LRP4: variants seen among roughly 807,000 people sequenced by gnomAD.
The protein encoded by LRP4 is low-density lipoprotein receptor-related protein 4.
LRP4 carries 95 observed loss-of-function variants against 220.3 expected under a neutral mutation model. That is an observed-to-expected ratio of 0.43 (90% CI 0.37 to 0.51). The LOEUF (loss-of-function observed/expected upper bound fraction) is 0.51. Among genes scored for constraint, LRP4 ranks in the 20% least tolerant of loss-of-function variants. The pLI is 0.00. For missense variants in LRP4, 1,925 were observed against 2,567.0 expected, an observed-to-expected ratio of 0.75 and a Z score of 5.40; for synonymous variants, 903 against 954.6, an observed-to-expected ratio of 0.95 and a Z score of 1.00.
chr11:46,895,559 C>A (rs540927817), intron 10 of LRP4, among the ~76,000 whole-genome samples: 4 of 151,928 alleles, frequency 2.6e-5, no homozygotes. Context: ...CCAGCCTGGG[C>A]GACAGAGCGA....
chr11:46,865,138 G>A lies in LRP4; in HGVS notation c.5136C>T (p.Asp1712=), dbSNP rs1454966763. ...ARLGLCARSN[D]AVPAAPGEGL... is the part of the protein sequence containing the mutation. ...GCTTACCTGGAGCAGCAGGAACAGC[G>A]TCATTGGAACGTGCACAGAGGCCCA... Residue 1712 remains aspartate (D), a synonymous_variant, in exon 35 of 38, where the codon GAC becomes GAT. Transcript: ENST00000378623. The A allele has an allele frequency of 9.0e-6, 14 of 1,563,026 alleles. No individual in the cohort carries two copies. In the Admixed American group the frequency reaches 9.5e-5, roughly 11 times the overall value.
chr11:46,893,309 G>A (rs1941460531), intron 12 of LRP4, among the ~76,000 whole-genome samples, 180 bp from the exon 13 acceptor site: 1 of 152,186 alleles, frequency 6.6e-6, no homozygotes, highest in Non-Finnish European at 1.5e-5. Flanking sequence ...TAATTTCCAT[G>A]AGGATGAGGA....
Position 46,868,099 on chromosome 11 carries a change from G to A in LRP4, c.4967C>T (p.Pro1656Leu), listed in dbSNP as rs1565777683. The change falls in exon 34 of 38, where the codon CCA (proline) becomes CTA (leucine). Residue 1656 changes from proline to leucine, a missense_variant. By Grantham distance (98) the Pro-to-Leu change is moderately conservative. This residue lies in a region of LRP4 where 1,244 missense variants were observed against 1,624.9 expected (regional missense o/e 0.77). Coordinates refer to ENST00000378623, the MANE Select transcript of LRP4 (RefSeq NM_002334.4). ...RPCSLVPGLV[P>L]PAPRATGMSE... is the part of the protein sequence containing the mutation. Reference sequence around the variant, plus strand: ...CATGCCAGTAGCCCTAGGAGCTGGTGGTACCAGGCCAGGCACTAGACAAAA... The same window carrying A: ...CATGCCAGTAGCCCTAGGAGCTGGTAGTACCAGGCCAGGCACTAGACAAAA... 1.2e-6 allele frequency: 2 copies of A among 1,614,008 alleles called. No individual in the cohort carries two copies. The highest frequency in any genetic ancestry group is 1.7e-6 in the Non-Finnish European group (2 of 1,180,024).
intron 16 of LRP4, among the ~76,000 whole-genome samples, chr11:46,888,977 A>G (rs1309581845): frequency 6.6e-6 from 1 of 152,212 alleles, no homozygotes; most frequent in South Asian, 2.1e-4. Context: ...ATATTTATCC[A>G]GGACCCGCTT....
Position 46,886,105 on chromosome 11 carries a change from TAC to T in LRP4, c.2490_2491del (p.Tyr831LeufsTer10). On this transcript the variant is annotated frameshift_variant, in exon 18 of 38. Coordinates refer to ENST00000378623, the MANE Select transcript of LRP4 (RefSeq NM_002334.4). LOFTEE classifies it high-confidence loss of function. The stretch of plus-strand genomic sequence containing the variant: ...CCTATGCATACCTGCATCTGTCCAG[TAC>T]AGTTTGTTGGTGACCCAATCAATGG... 1 of 1,614,106 alleles carries T rather than the reference TAC, an allele frequency of 6.2e-7. No individual in the cohort carries two copies. Among genetic ancestry groups the T allele is most frequent in the Non-Finnish European group, 8.5e-7 (1 of 1,180,014 alleles).
At chr11:46,862,846 T>C in intron 36 of LRP4, 99 bp from the exon 37 acceptor site, 1 of 965,568 alleles carries the variant, frequency 1.0e-6, no homozygotes, top group Non-Finnish European at 1.6e-6. Context: ...TCTAAGATGA[T>C]CCCAGTGACT....
chr11:46,865,833 T>C (rs16938534), intron 34 of LRP4, among the ~76,000 whole-genome samples: 22,636 of 152,226 alleles, frequency 0.15, 2,562 homozygotes, highest in African/African-American at 0.32. Context: ...GTCAAAAGTT[T>C]TCTAAATAAA....
chr11:46,885,772 C>CAAAAA lies in LRP4; in HGVS notation c.2506+314_2506+318dup, dbSNP rs34867767. On this transcript the variant is annotated intron_variant, in intron 18 of 37. Coordinates refer to ENST00000378623, the MANE Select transcript of LRP4 (RefSeq NM_002334.4). ...CTGGCGACAGAGCAAGACTCCGCCT[C>CAAAAA]AAAAAAAAAAAAAAAAAAAGGCTGA... Among the ~76,000 whole-genome samples the CAAAAA allele has an allele frequency of 3.5e-4, 20 of 57,214 alleles. 1 individual carries two copies. The highest frequency in any genetic ancestry group is 1.1e-3 in the African/African-American group (19 of 17,508). The allele number at this position is 57,214 out of a possible 152,430, so 37.5% of individuals were successfully genotyped here. A position where few individuals can be genotyped will look rare whatever the true frequency, so the allele number is the denominator to read the frequency against.
chr11:46,880,143 A>G (rs529284654), intron 20 of LRP4, among the ~76,000 whole-genome samples: 8 of 152,166 alleles, frequency 5.3e-5, no homozygotes, highest in African/African-American at 1.7e-4. Context: ...AAATGTCAAT[A>G]AAGTCACAGA....
In LRP4 at chr11:46,858,907, G is replaced by A; in HGVS notation, c.*76C>T. ...GGACAAGCACACAGAAGCGGGGCCT[G>A]CGGTGTAAGCGAGCACAAGGACTAG... On this transcript the variant is annotated 3_prime_UTR_variant, in exon 38 of 38. Transcript: ENST00000378623. 1 of 1,371,862 alleles carries A rather than the reference G, an allele frequency of 7.3e-7. No individual in the cohort carries two copies. The highest frequency in any genetic ancestry group is 1.0e-6 in the Non-Finnish European group (1 of 962,164). The allele number at this position is 1,371,862 out of a possible 1,614,324, so 85.0% of individuals were successfully genotyped here. A position where few individuals can be genotyped will look rare whatever the true frequency, so the allele number is the denominator to read the frequency against.
intron 3 of LRP4, 21 bp downstream of exon 3, chr11:46,900,241 C>A: frequency 6.4e-7 from 1 of 1,573,032 alleles, no homozygotes. Context: ...GGAGTTCCGC[C>A]CAGCCTCTGC....
rs1565770267 is a variant in LRP4, at chr11:46,857,192, C to T, written c.*1791G>A. ...CCTCCCCAGACGTGAGTCTAAGGAC[C>T]CAAAGTGCTCACTCCTTTACTGCTT... On this transcript the variant is annotated 3_prime_UTR_variant, in exon 38 of 38. Transcript: ENST00000378623. 1.3e-5 allele frequency: 2 copies of T among 152,344 alleles called. No homozygotes were observed. The highest frequency in any genetic ancestry group is 2.9e-5 in the Non-Finnish European group (2 of 68,046). 9.4% of individuals were successfully genotyped at this position (152,344 alleles called of 1,614,324 possible). A position where few individuals can be genotyped will look rare whatever the true frequency, so the allele number is the denominator to read the frequency against.
intron 35 of LRP4, 36 bp from the exon 36 acceptor site, chr11:46,864,571 C>T (rs376734634): frequency 6.5e-5 from 90 of 1,390,848 alleles, no homozygotes; most frequent in Non-Finnish European, 6.7e-5. Flanking sequence ...CAGGGGCCAC[C>T]GACAACTTTC....
chr11:46,867,184 T>C (rs968138484), intron 34 of LRP4, among the ~76,000 whole-genome samples: 1 of 152,148 alleles, frequency 6.6e-6, no homozygotes, highest in Admixed American at 6.5e-5. Context: ...GAACTGTTCG[T>C]GTTTATGCTT....
chr11:46,889,373 A>G lies in LRP4; in HGVS notation c.2215+38T>C. 6 of 1,610,460 alleles carry G rather than the reference A, an allele frequency of 3.7e-6. No homozygotes were observed. In the South Asian group the frequency reaches 4.4e-5, roughly 12 times the overall value. Reference sequence around the variant, plus strand: ...CTTGTTCCTTCTCCCCATCCTCACAACAGCCTCCATGGAGGCTGGTGTTGC... The same window carrying G: ...CTTGTTCCTTCTCCCCATCCTCACAGCAGCCTCCATGGAGGCTGGTGTTGC... On this transcript the variant is annotated intron_variant, in intron 16 of 37. Coordinates refer to ENST00000378623, the MANE Select transcript of LRP4 (RefSeq NM_002334.4).
Position 46,918,212 on chromosome 11 carries a change from C to T in LRP4, c.52+116G>A. On this transcript the variant is annotated intron_variant, in intron 1 of 37. Coordinates refer to ENST00000378623, the MANE Select transcript of LRP4 (RefSeq NM_002334.4). This position sits in a 1 kb window ranked among gnomAD's most constrained non-coding sequence, Gnocchi z 6.0. ...TCCCCTGCACGCAGCCCCAGGGCCA[C>T]GGCTAGGAGCGAGGGCGAGGGGTCT... is the stretch of plus-strand genomic sequence containing the variant. 1.7e-6 allele frequency: 2 copies of T among 1,170,276 alleles called. No homozygotes were observed. Among genetic ancestry groups the T allele is most frequent in the South Asian group, 1.4e-5 (1 of 72,192 alleles). The allele number at this position is 1,170,276 out of a possible 1,614,324, so 72.5% of individuals were successfully genotyped here.
At position 46,875,946 on chromosome 11, in the gene LRP4, C is replaced by A. The variant is rs387906883; in HGVS notation, c.3557G>T (p.Trp1186Leu). 19 of 1,614,072 alleles carry A rather than the reference C, an allele frequency of 1.2e-5. No individual in the cohort carries two copies. Among genetic ancestry groups the A allele is most frequent in the South Asian group, 2.2e-5 (2 of 91,084 alleles). ...HEMGFMYWTD[W>L]GENAKLERSG... The stretch of plus-strand genomic sequence containing the variant: ...CCGCTCTAACTTGGCATTCTCCCCC[C>A]AGTCTGTCCAGTACATAAACCTGAG... The change falls in exon 26 of 38, where the codon TGG becomes TTG. Residue 1186 changes from tryptophan (W) to leucine (L), a missense_variant. Coordinates refer to ENST00000378623, the MANE Select transcript of LRP4 (RefSeq NM_002334.4). This position sits in a 1 kb window ranked among gnomAD's most constrained non-coding sequence, Gnocchi z 4.5.
intron 36 of LRP4, 70 bp from the exon 37 acceptor site, chr11:46,862,817 C>T: frequency 7.0e-7 from 1 of 1,433,540 alleles, no homozygotes; most frequent in African/African-American, 1.4e-5. Flanking sequence ...AAGCTGTAAA[C>T]TGAGTCTGGT....
chr11:46,893,253 A>G, intron 12 of LRP4, 124 bp from the exon 13 acceptor site: 1 of 874,760 alleles, frequency 1.1e-6, no homozygotes, highest in Non-Finnish European at 1.9e-6. Flanking sequence ...ATCACTTCAG[A>G]TACATGAATT....
Sources: allele counts gnomAD v4.1 joint callset (sites outside exome capture counted in the v4.1 genomes callset), GRCh38; gene constraint gnomAD v4.1.1; regional missense constraint gnomAD v4.1.1; non-coding constraint Gnocchi (gnomAD v3.1); transcripts MANE v1.5; gene names NCBI Gene and HGNC (gene_info 2026-07-23, HGNC 2026-07-21).